The following PPFIBP1 variants were observed in gnomAD, a reference collection of about 807,000 sequenced individuals.
The protein encoded by PPFIBP1 is liprin-beta-1.
A neutral mutation model predicts 137.8 loss-of-function variants in PPFIBP1; 112 were observed. The observed-to-expected ratio is 0.81, with a 90% CI of 0.70 to 0.95. The LOEUF (loss-of-function observed/expected upper bound fraction) is 0.95. PPFIBP1 is among the 40% of genes least tolerant of loss of function. The pLI is 0.00. For synonymous variants in PPFIBP1, 378 were observed against 417.3 expected (o/e 0.91, Z 1.15); for missense variants, 1,083 against 1,196.6 (o/e 0.91, Z 1.40).
intron 2 of PPFIBP1, among the ~76,000 whole-genome samples, chr12:27,615,535 C>T (rs1399344492): frequency 6.6e-6 from 1 of 152,170 alleles, no homozygotes; most frequent in East Asian, 1.9e-4. Context: ...TCAAATATTC[C>T]TGTACTTGCT....
At position 27,667,175 on chromosome 12, in the gene PPFIBP1, G is replaced by C. The variant is rs143554172; in HGVS notation, c.1001G>C (p.Gly334Ala). The stretch of plus-strand genomic sequence containing the variant: ...TTTTATCTTTTCCTAGGCAAAGATG[G>C]AGAATATGAAGAGCTGCTCAATTCC... ...VLAQGKKGKDGEYEELLNSSS... is the reference protein window; with the variant it reads ...VLAQGKKGKDAEYEELLNSSS... The change falls in exon 13 of 30, where the codon GGA (glycine) becomes GCA (alanine). Residue 334 changes from glycine to alanine, a missense_variant. Gly to Ala is a moderately conservative substitution (Grantham distance 60). Coordinates refer to ENST00000228425, the MANE Select transcript of PPFIBP1 (RefSeq NM_003622.4). The C allele has an allele frequency of 5.7e-6, 9 of 1,575,362 alleles. No homozygotes were observed. The highest frequency in any genetic ancestry group is 6.9e-6 in the Non-Finnish European group (8 of 1,162,710).
chr12:27,577,752 AT>A (rs371397265), intron 1 of PPFIBP1, among the ~76,000 whole-genome samples: 30 of 151,166 alleles, frequency 2.0e-4, no homozygotes, highest in Admixed American at 7.9e-4. Flanking sequence ...GACATTTCCC[AT>A]TTTTTTTTAC....
chr12:27,624,484 G>A lies in PPFIBP1; in HGVS notation c.-35-8878G>A, dbSNP rs375648405. On this transcript the variant is annotated intron_variant, in intron 2 of 29. Coordinates refer to ENST00000228425, the MANE Select transcript of PPFIBP1 (RefSeq NM_003622.4). ...AGTAAAAGATCTTGGCTTATTGTAT[G>A]AAACTTTTCATCAACTCTCTTCTGG... 5.2e-3 allele frequency among the ~76,000 whole-genome samples: 789 copies of A among 152,340 alleles called. 7 individuals are homozygous for A. Among genetic ancestry groups the A allele is most frequent in the African/African-American group, 0.018 (748 of 41,582 alleles).
At chr12:27,584,915 G>A (rs1339317323) in intron 2 of PPFIBP1, among the ~76,000 whole-genome samples, 1 of 152,152 alleles carries the variant, frequency 6.6e-6, no homozygotes, top group Non-Finnish European at 1.5e-5. Context: ...AAGAGCAGGG[G>A]GAATTCTTAG....
chr12:27,563,939 C>G (rs567391827), intron 1 of PPFIBP1, among the ~76,000 whole-genome samples: 7 of 150,062 alleles, frequency 4.7e-5, no homozygotes, highest in African/African-American at 1.7e-4. Context: ...ATGGTGCGAT[C>G]TTGGCTCACT....
chr12:27,689,307 G>A, intron 27 of PPFIBP1, 104 bp downstream of exon 27: 1 of 1,129,852 alleles, frequency 8.9e-7, no homozygotes, highest in Non-Finnish European at 1.2e-6. Flanking sequence ...TTTTGTGGGT[G>A]GGTTCCTTAC....
Position 27,660,910 on chromosome 12 carries a change from G to A in PPFIBP1, c.871G>A (p.Ala291Thr). 6.2e-7 allele frequency: 1 copy of A among 1,613,448 alleles called. No homozygotes were observed. The highest frequency in any genetic ancestry group is 1.1e-5 in the South Asian group (1 of 90,996). Residue 291 changes from alanine to threonine, a missense_variant, in exon 11 of 30, where the codon GCT (alanine) becomes ACT (threonine). Physicochemically the swap from Ala to Thr is moderately conservative, Grantham distance 58. Coordinates refer to ENST00000228425, the MANE Select transcript of PPFIBP1 (RefSeq NM_003622.4). The part of the protein sequence containing the change: ...KNIEVQKMKK[A>T]VESLMAANEE... Reference sequence around the variant, plus strand: ...CATCGAAGTACAAAAAATGAAAAAAGCTGTGGAGTCCTTGATGGCAGCAAA... The same window carrying A: ...CATCGAAGTACAAAAAATGAAAAAAACTGTGGAGTCCTTGATGGCAGCAAA...
intron 6 of PPFIBP1, among the ~76,000 whole-genome samples, chr12:27,648,167 C>A (rs1313642167): frequency 6.6e-6 from 1 of 151,892 alleles, no homozygotes; most frequent in Admixed American, 6.6e-5. Flanking sequence ...ATCTAATAAT[C>A]CAGTTTAAAA....
chr12:27,655,459 A>G (rs560961912), intron 8 of PPFIBP1, among the ~76,000 whole-genome samples: 1 of 152,334 alleles, frequency 6.6e-6, no homozygotes, highest in South Asian at 2.1e-4. Context: ...AAAAAGAAAG[A>G]ATTTATAAAT....
chr12:27,578,846 C>A (rs1476954652), intron 2 of PPFIBP1, among the ~76,000 whole-genome samples: 1 of 152,238 alleles, frequency 6.6e-6, no homozygotes, highest in Admixed American at 6.5e-5. Context: ...ATTACCTTAT[C>A]TTCAAGGCAC....
At chr12:27,536,156 C>T (rs184574588) in intron 1 of PPFIBP1, among the ~76,000 whole-genome samples, 114 of 152,322 alleles carry the variant, frequency 7.5e-4, no homozygotes, top group African/African-American at 2.5e-3. Context: ...ACCTTGCACT[C>T]GCTTGAAGTC....
At chr12:27,587,575 A>T (rs958698950) in intron 2 of PPFIBP1, among the ~76,000 whole-genome samples, 1 of 142,366 alleles carries the variant, frequency 7.0e-6, no homozygotes, top group Non-Finnish European at 1.5e-5. Context: ...GTGAGCCAAG[A>T]TCGCACCACT....
chr12:27,676,508 C>T lies in PPFIBP1; in HGVS notation c.1491C>T (p.Asn497=), dbSNP rs1413602889. 1.2e-6 allele frequency: 2 copies of T among 1,610,016 alleles called. No individual in the cohort carries two copies. The highest frequency in any genetic ancestry group is 2.2e-5 in the South Asian group (2 of 90,578). ...GGCAGGACACCTCCATGGATGACAACCCCTTCGGCACTCGAAAAGTCAGAT... is the reference window on the plus strand; with the variant it reads ...GGCAGGACACCTCCATGGATGACAATCCCTTCGGCACTCGAAAAGTCAGAT... ...PPGQDTSMDD[N]PFGTRKVRSS... The change falls in exon 18 of 30, where the codon AAC becomes AAT. Residue 497 remains asparagine, a synonymous_variant. Coordinates refer to ENST00000228425, the MANE Select transcript of PPFIBP1 (RefSeq NM_003622.4).
At position 27,692,927 on chromosome 12, in the gene PPFIBP1, A is replaced by G. The variant is rs775628838; in HGVS notation, c.*45A>G. On this transcript the variant is annotated 3_prime_UTR_variant, in exon 30 of 30. Coordinates refer to ENST00000228425, the MANE Select transcript of PPFIBP1 (RefSeq NM_003622.4). ...ATTAGGAGTGCTTAGTCTTTTTTCTACTTGCTTTTCCAAACACTCACAGTA... is the reference window on the plus strand; with the variant it reads ...ATTAGGAGTGCTTAGTCTTTTTTCTGCTTGCTTTTCCAAACACTCACAGTA... The G allele has an allele frequency of 5.6e-6, 9 of 1,609,334 alleles. No homozygotes were observed. Among genetic ancestry groups the G allele is most frequent in the Non-Finnish European group, 7.6e-6 (9 of 1,177,928 alleles).
At chr12:27,638,833 A>G (rs1216049608) in intron 4 of PPFIBP1, among the ~76,000 whole-genome samples, 1 of 152,216 alleles carries the variant, frequency 6.6e-6, no homozygotes, top group Non-Finnish European at 1.5e-5. Context: ...ATTTTTGGAA[A>G]TAATTATGTA....
At position 27,634,934 on chromosome 12, in the gene PPFIBP1, A is replaced by T. The variant is rs2881468; in HGVS notation, c.89A>T (p.Asn30Ile). The T allele has an allele frequency of 1.2e-6, 2 of 1,613,902 alleles. No homozygotes were observed. Among genetic ancestry groups the T allele is most frequent in the African/African-American group, 2.7e-5 (2 of 74,912 alleles). The change falls in exon 4 of 30, where the codon AAT becomes ATT. Residue 30 changes from asparagine (N) to isoleucine (I), a missense_variant. Asn to Ile is a moderately radical substitution (Grantham distance 149). Transcript: ENST00000228425. ...IAGSKALEYS[N>I]GIFDCQSPTS... The stretch of plus-strand genomic sequence containing the variant: ...GGTTCTAAGGCTCTGGAATATTCCA[A>T]TGGGATTTTTGATTGCCAATCTCCC...
chr12:27,572,636 A>G (rs2050238646), intron 1 of PPFIBP1, among the ~76,000 whole-genome samples: 1 of 152,208 alleles, frequency 6.6e-6, no homozygotes. Flanking sequence ...GAAATTGACT[A>G]CAGTGACTTT....
At chr12:27,666,920 C>T (rs1014354940) in intron 12 of PPFIBP1, among the ~76,000 whole-genome samples, 1 of 152,124 alleles carries the variant, frequency 6.6e-6, no homozygotes, top group African/African-American at 2.4e-5. Flanking sequence ...GTCAATGTAT[C>T]GAGTATGACT....
Position 27,682,448 on chromosome 12 carries a change from G to C in PPFIBP1, c.2108G>C (p.Gly703Ala). The change falls in exon 23 of 30, where the codon GGA becomes GCA. Residue 703 changes from glycine (G) to alanine (A), a missense_variant. Gly to Ala is a moderately conservative substitution (Grantham distance 60). Transcript: ENST00000228425. ...CTCCAGCTAGCACTCCAAGCCCTGG[G>C]ATCTGAAGAAGAAACCAATCATGGG... ...KKLQLALQAL[G>A]SEEETNHGKL... 1 of 1,614,132 alleles carries C rather than the reference G, an allele frequency of 6.2e-7. No individual in the cohort carries two copies. Among genetic ancestry groups the C allele is most frequent in the Non-Finnish European group, 8.5e-7 (1 of 1,179,986 alleles).
Sources: allele counts gnomAD v4.1 joint callset (sites outside exome capture counted in the v4.1 genomes callset), GRCh38; gene constraint gnomAD v4.1.1; transcripts MANE v1.5; gene names NCBI Gene and HGNC (gene_info 2026-07-23, HGNC 2026-07-21).